The following MMS22L variants were observed in gnomAD, a reference collection of about 807,000 sequenced individuals.
MMS22L encodes protein MMS22-like.
A neutral mutation model predicts 159.1 loss-of-function variants in MMS22L; 74 were observed. The ratio of observed to expected loss-of-function variants is 0.47; its 90% confidence interval spans 0.39 to 0.56. MMS22L has a LOEUF of 0.56. Among genes scored for constraint, MMS22L ranks in the 20% least tolerant of loss-of-function variants. The pLI is 0.00. For missense variants in MMS22L, 1,351 were observed against 1,422.1 expected (o/e 0.95, Z 0.80); for synonymous variants, 517 against 506.9 (o/e 1.02, Z -0.27).
At chr6:97,231,042 A>C (rs539116055) in intron 13 of MMS22L, 4 of 169,002 alleles carry the variant, frequency 2.4e-5, no homozygotes, top group African/African-American at 4.8e-5. Context: ...CAAAAGAGAC[A>C]GAGAAAACAA....
At chr6:97,183,303 T>A (rs1457403436) in intron 15 of MMS22L, among the ~76,000 whole-genome samples, 1 of 152,168 alleles carries the variant, frequency 6.6e-6, no homozygotes, top group Non-Finnish European at 1.5e-5. Context: ...ATTATTATAC[T>A]CATTCATTTA....
At chr6:97,167,254 T>TCTA in intron 20 of MMS22L, among the ~76,000 whole-genome samples, 1 of 152,250 alleles carries the variant, frequency 6.6e-6, no homozygotes, top group East Asian at 1.9e-4. Context: ...AGAACTACTA[T>TCTA]CTACGCAGAT....
intron 14 of MMS22L, among the ~76,000 whole-genome samples, chr6:97,216,273 C>A (rs1377424068): frequency 6.6e-6 from 1 of 152,040 alleles, no homozygotes; most frequent in Admixed American, 6.6e-5. Flanking sequence ...TCTATTTTCT[C>A]CACAATTTAT....
chr6:97,190,045 A>G (rs1304455645), intron 14 of MMS22L, among the ~76,000 whole-genome samples: 1 of 152,216 alleles, frequency 6.6e-6, no homozygotes, highest in African/African-American at 2.4e-5. Flanking sequence ...ATTTTTTAAA[A>G]TCACATGTTT....
chr6:97,228,645 T>C (rs1351699233), intron 14 of MMS22L, among the ~76,000 whole-genome samples: 2 of 152,200 alleles, frequency 1.3e-5, no homozygotes, highest in Non-Finnish European at 2.9e-5. Context: ...TATGCAAATA[T>C]TCCAAAATCT....
In MMS22L at chr6:97,174,271, A is replaced by T. The variant is rs181555214; in HGVS notation, c.2680-1049T>A. Among the ~76,000 whole-genome samples, 206 of 151,062 alleles carry T rather than the reference A, an allele frequency of 1.4e-3. 2 individuals carry two copies. The East Asian group carries it at 0.018, about 13-fold the overall frequency. On this transcript the variant is annotated intron_variant, in intron 18 of 24. Transcript: ENST00000683635. ...TCTCAAAAAAAAAATAAAAAAAAAA[A>T]AAAAATAAAAAGAAAGTTTAAGTAA...
At chr6:97,178,391 T>C in intron 18 of MMS22L, 52 bp downstream of exon 18, 1 of 1,365,758 alleles carries the variant, frequency 7.3e-7, no homozygotes, top group South Asian at 1.6e-5. Flanking sequence ...CAGGTTTTTC[T>C]GAAAATTAAT....
chr6:97,264,172 A>C (rs1814822373), intron 8 of MMS22L: 2 of 152,178 alleles, frequency 1.3e-5, no homozygotes, highest in South Asian at 4.1e-4. Context: ...ATTTACAAAA[A>C]TAGGTAATGG....
rs1019758863 is a variant in MMS22L at position 97,143,028 on chromosome 6, C to T, written c.*3778G>A. On this transcript the variant is annotated 3_prime_UTR_variant, in exon 25 of 25. Transcript: ENST00000683635. ...TGCAAATGAACTCAATACTGAATGA[C>T]TTTTCCACAGTCCTCCATGCTTCCT... The T allele has an allele frequency of 5.2e-5, 8 of 152,586 alleles. No homozygotes were observed. Among genetic ancestry groups the T allele is most frequent in the African/African-American group, 1.9e-4 (8 of 41,444 alleles). 9.5% of individuals were successfully genotyped at this position (152,586 alleles called of 1,614,324 possible). A position where few individuals can be genotyped will look rare whatever the true frequency, so the allele number is the denominator to read the frequency against.
chr6:97,166,000 T>G (rs1348309374), intron 20 of MMS22L, among the ~76,000 whole-genome samples: 1 of 152,156 alleles, frequency 6.6e-6, no homozygotes, highest in Admixed American at 6.6e-5. Flanking sequence ...GTGCTTTATA[T>G]TCACTATTTC....
intron 4 of MMS22L, among the ~76,000 whole-genome samples, chr6:97,275,799 G>A (rs981045187): frequency 6.6e-6 from 1 of 152,106 alleles, no homozygotes; most frequent in Non-Finnish European, 1.5e-5. Flanking sequence ...GAGCCCAGAA[G>A]TTTGAGACCA....
intron 6 of MMS22L, chr6:97,270,369 G>A (rs1380844184): frequency 4.5e-6 from 2 of 441,400 alleles, no homozygotes; most frequent in Non-Finnish European, 9.0e-6. Context: ...TAATGTATGA[G>A]TACCCAGGAA....
At chr6:97,173,365 G>A (rs1047532540) in intron 18 of MMS22L, 143 bp from the exon 19 acceptor site, 2 of 642,532 alleles carry the variant, frequency 3.1e-6, no homozygotes, top group Middle Eastern at 4.3e-4. Flanking sequence ...TTCCAATAAA[G>A]AGACATAGGA....
intron 13 of MMS22L, 47 bp downstream of exon 13, chr6:97,231,379 A>C (rs1366009745): frequency 7.4e-7 from 1 of 1,343,340 alleles, no homozygotes; most frequent in Admixed American, 1.8e-5. Flanking sequence ...AGTAACACCT[A>C]TCCAAAGATA....
chr6:97,195,256 C>T (rs1051232125), intron 14 of MMS22L, among the ~76,000 whole-genome samples: 1 of 152,112 alleles, frequency 6.6e-6, no homozygotes, highest in Non-Finnish European at 1.5e-5. Flanking sequence ...GGAACAACAA[C>T]CAGGAGTCCA....
At chr6:97,160,017 C>T (rs1472100500) in intron 22 of MMS22L, among the ~76,000 whole-genome samples, 1 of 138,228 alleles carries the variant, frequency 7.2e-6, no homozygotes, top group African/African-American at 2.8e-5. Flanking sequence ...TTTCCTTAGC[C>T]TAATACTGTT....
At chr6:97,185,989 T>A (rs1279186442) in intron 15 of MMS22L, among the ~76,000 whole-genome samples, 1 of 152,110 alleles carries the variant, frequency 6.6e-6, no homozygotes, top group African/African-American at 2.4e-5. Flanking sequence ...CCTAAGGACA[T>A]GTCTTTAGGT....
At chr6:97,186,428 A>C in intron 15 of MMS22L, 69 bp downstream of exon 15, 1 of 1,364,074 alleles carries the variant, frequency 7.3e-7, no homozygotes, top group Non-Finnish European at 9.9e-7. Flanking sequence ...TGTTACTAAG[A>C]AAATAAAGGA....
chr6:97,250,393 A>T (rs4279445), intron 10 of MMS22L, among the ~76,000 whole-genome samples: 143,392 of 152,250 alleles, frequency 0.94, 67,784 homozygotes, highest in Non-Finnish European at 0.98. Context: ...ATTTCAGACG[A>T]TTCAAAGACG....
Sources: gnomAD v4.1 joint callset for allele counts (sites outside exome capture counted in the v4.1 genomes callset) on GRCh38, gnomAD v4.1.1 for gene constraint, MANE v1.5 for transcripts, NCBI Gene and HGNC (gene_info 2026-07-23, HGNC 2026-07-21) for gene names.